Variants in SPATA17 observed in about 807,000 individuals in gnomAD.
SPATA17 encodes spermatogenesis associated 17.
In SPATA17, 53 loss-of-function variants were observed where a neutral mutation model predicts 62.2. The ratio of observed to expected loss-of-function variants is 0.85; its 90% CI spans 0.68 to 1.07. The LOEUF (loss-of-function observed/expected upper bound fraction) is 1.07, where lower values mean the gene tolerates loss of function less well. Among genes scored for constraint, SPATA17 ranks in the 50% least tolerant of loss-of-function variants. SPATA17 has a pLI of 0.00. For missense variants in SPATA17, 466 were observed against 425.5 expected (o/e 1.10, Z -0.84); for synonymous variants, 146 against 146.8 (o/e 0.99, Z 0.04).
At chr1:217,774,561 T>A in intron 7 of SPATA17, 24 bp downstream of exon 7, 1 of 1,597,466 alleles carries the variant, frequency 6.3e-7, no homozygotes, top group Non-Finnish European at 8.6e-7. Flanking sequence ...GTATAAGAAT[T>A]CTGTCATTAA....
At chr1:217,717,754 G>T (rs2102931618) in intron 5 of SPATA17, among the ~76,000 whole-genome samples, 1 of 152,208 alleles carries the variant, frequency 6.6e-6, no homozygotes, top group South Asian at 2.1e-4. Flanking sequence ...ATATTGGTGT[G>T]TGCTGCCTCC....
At chr1:217,713,032 C>A (rs1363687293) in intron 5 of SPATA17, among the ~76,000 whole-genome samples, 3 of 152,140 alleles carry the variant, frequency 2.0e-5, no homozygotes, top group African/African-American at 4.8e-5. Context: ...CCCCTAATTT[C>A]TTCTTTCTCC....
chr1:217,661,809 A>G (rs1431590414), intron 3 of SPATA17, among the ~76,000 whole-genome samples: 1 of 152,116 alleles, frequency 6.6e-6, no homozygotes, highest in Non-Finnish European at 1.5e-5. Flanking sequence ...CTCAGTGCAC[A>G]TGCATTTTAT....
intron 9 of SPATA17, among the ~76,000 whole-genome samples, chr1:217,852,450 G>A (rs1675688462): frequency 6.6e-6 from 1 of 152,052 alleles, no homozygotes; most frequent in Non-Finnish European, 1.5e-5. Context: ...CTTCTTTGGG[G>A]GCAGTGATGA....
chr1:217,799,416 T>C (rs1674237238), intron 8 of SPATA17, among the ~76,000 whole-genome samples: 1 of 152,122 alleles, frequency 6.6e-6, no homozygotes, highest in African/African-American at 2.4e-5. Flanking sequence ...TCGCAGCACC[T>C]CCTTTGTATA....
chr1:217,865,382 G>A (rs1675987544), intron 10 of SPATA17, among the ~76,000 whole-genome samples: 1 of 152,056 alleles, frequency 6.6e-6, no homozygotes, highest in South Asian at 2.1e-4. Context: ...GCATGTCTAA[G>A]TTTAGGATAA....
intron 1 of SPATA17, among the ~76,000 whole-genome samples, chr1:217,643,702 AAC>A (rs1491567232): frequency 5.6e-5 from 8 of 142,992 alleles, no homozygotes; most frequent in African/African-American, 2.2e-4. Context: ...AAGAAAAAGA[AAC>A]TCTCTCTCTC....
intron 1 of SPATA17, among the ~76,000 whole-genome samples, chr1:217,635,906 G>C (rs943944517): frequency 3.3e-5 from 5 of 151,970 alleles, no homozygotes; most frequent in African/African-American, 1.2e-4. Flanking sequence ...AGGCCAAGGC[G>C]AGCAGATCAC....
At chr1:217,764,156 C>A (rs1357285310) in intron 6 of SPATA17, among the ~76,000 whole-genome samples, 1 of 152,072 alleles carries the variant, frequency 6.6e-6, no homozygotes, top group Non-Finnish European at 1.5e-5. Flanking sequence ...ATGGGTTTAA[C>A]AAATCTATAA....
intron 1 of SPATA17, among the ~76,000 whole-genome samples, chr1:217,640,933 GAA>G (rs1189823316): frequency 6.6e-6 from 1 of 152,032 alleles, no homozygotes; most frequent in African/African-American, 2.4e-5. Flanking sequence ...AAAATTGAAA[GAA>G]AGTGAGGTTG....
At chr1:217,637,648 T>A (rs1669972164) in intron 1 of SPATA17, among the ~76,000 whole-genome samples, 2 of 152,194 alleles carry the variant, frequency 1.3e-5, no homozygotes, top group Non-Finnish European at 2.9e-5. Flanking sequence ...CTAATAATTT[T>A]GTTCAGTGTC....
At chr1:217,866,116 A>G (rs1369878435) in intron 10 of SPATA17, among the ~76,000 whole-genome samples, 1 of 152,184 alleles carries the variant, frequency 6.6e-6, no homozygotes, top group Non-Finnish European at 1.5e-5. Flanking sequence ...AGGGGAGAGT[A>G]ATAATTAAGC....
chr1:217,725,704 C>T (rs1013358722), intron 5 of SPATA17, among the ~76,000 whole-genome samples: 6 of 152,162 alleles, frequency 3.9e-5, no homozygotes, highest in Admixed American at 6.5e-5. Flanking sequence ...CTCAAGTGAT[C>T]GGCCCGTCTC....
At chr1:217,774,212 A>G in intron 6 of SPATA17, 122 bp from the exon 7 acceptor site, 1 of 774,818 alleles carries the variant, frequency 1.3e-6, no homozygotes, top group Non-Finnish European at 2.0e-6. Flanking sequence ...ACCTCTGGTT[A>G]AGAACCACAG....
intron 9 of SPATA17, among the ~76,000 whole-genome samples, chr1:217,822,440 T>A (rs549962402): frequency 6.6e-6 from 1 of 151,440 alleles, no homozygotes; most frequent in Non-Finnish European, 1.5e-5. Flanking sequence ...CTAATTACTA[T>A]ATGAACTCTT....
chr1:217,672,746 C>T (rs1670859869), intron 4 of SPATA17, among the ~76,000 whole-genome samples: 1 of 152,006 alleles, frequency 6.6e-6, no homozygotes. Flanking sequence ...TTATGATCCC[C>T]CTACCCCTGT....
At chr1:217,760,105 C>T (rs72728841) in intron 6 of SPATA17, among the ~76,000 whole-genome samples, 4,714 of 152,218 alleles carry the variant, frequency 0.031, 105 homozygotes, top group Middle Eastern at 0.058. Context: ...ATTGGTTTTT[C>T]GATCAAAATT....
At chr1:217,808,817 T>C (rs1674509819) in intron 9 of SPATA17, among the ~76,000 whole-genome samples, 1 of 149,556 alleles carries the variant, frequency 6.7e-6, no homozygotes, top group African/African-American at 2.5e-5. Context: ...ATCGCGCCAC[T>C]GCACTCCAGT....
At chr1:217,783,901 C>A (rs900347377) in intron 8 of SPATA17, among the ~76,000 whole-genome samples, 2 of 152,018 alleles carry the variant, frequency 1.3e-5, no homozygotes, top group Non-Finnish European at 2.9e-5. Flanking sequence ...TTGCTGATGA[C>A]CCTTTGCTCT....
Sources: gnomAD v4.1 joint callset for allele counts (sites outside exome capture counted in the v4.1 genomes callset) on GRCh38, gnomAD v4.1.1 for gene constraint, MANE v1.5 for transcripts, NCBI Gene and HGNC (gene_info 2026-07-23, HGNC 2026-07-21) for gene names.